Variants in GATA3 observed in about 807,000 individuals in gnomAD.
GATA3 encodes the protein trans-acting T-cell-specific transcription factor GATA-3.
Under a neutral mutation model 36.0 loss-of-function variants are expected in GATA3, and 6 were observed. The ratio of observed to expected loss-of-function variants is 0.17; its 90% CI spans 0.09 to 0.33. The LOEUF is 0.33. Among genes scored for constraint, GATA3 ranks in the 10% least tolerant of loss-of-function variants. The pLI is 1.00. For missense variants in GATA3, 514 were observed against 610.1 expected (o/e 0.84, Z 1.66); for synonymous variants, 326 against 273.0 (o/e 1.19, Z -1.92).
upstream of GATA3, chr10:8,053,665 G>A (rs1461696127): frequency 6.6e-6 from 1 of 152,316 alleles, no homozygotes; most frequent in East Asian, 1.9e-4. The surrounding 1 kb of genome is among the most constrained non-coding windows in gnomAD (Gnocchi z 5.1). Flanking sequence ...GCGTGGCCTG[G>A]AGACCCGCGA....
upstream of GATA3, chr10:8,051,115 CCACTTCCACT>C: frequency 1.9e-6 from 1 of 529,466 alleles, no homozygotes; most frequent in Non-Finnish European, 3.9e-6. Flanking sequence ...CTGGGTTTCC[CCACTTCCACT>C]GGGACAGGGT....
intron 3 of GATA3, among the ~76,000 whole-genome samples, chr10:8,059,187 C>T (rs1400535200): frequency 6.6e-6 from 1 of 152,122 alleles, no homozygotes; most frequent in Admixed American, 6.5e-5. Context: ...AATGGAAGGC[C>T]GAGGGAATAA....
In GATA3 at chr10:8,074,049, C is replaced by G. The variant is rs200946839; in HGVS notation, c.*26C>G. 7.1e-4 allele frequency: 1,152 copies of G among 1,612,618 alleles called. 2 individuals carry two copies. The highest frequency in any genetic ancestry group is 6.1e-4 in the Non-Finnish European group (715 of 1,179,218). On this transcript the variant is annotated 3_prime_UTR_variant, in exon 6 of 6. Transcript: ENST00000379328. Reference sequence around the variant, plus strand: ...AGCCCTGCTCGATGCTCACAGGGCCCCCAGCGAGAGTCCCTGCAGTCCCTT... The same window carrying G: ...AGCCCTGCTCGATGCTCACAGGGCCGCCAGCGAGAGTCCCTGCAGTCCCTT...
At chr10:8,056,106 CG>C (rs1832632412) in intron 2 of GATA3, among the ~76,000 whole-genome samples, 1 of 152,164 alleles carries the variant, frequency 6.6e-6, no homozygotes, top group African/African-American at 2.4e-5. Flanking sequence ...TCGCAGCAGG[CG>C]CCTCTCCCGG....
upstream of GATA3, among the ~76,000 whole-genome samples, chr10:8,054,348 C>T (rs1426328725): frequency 6.6e-6 from 1 of 152,206 alleles, no homozygotes. This position sits in a 1 kb window ranked among gnomAD's most constrained non-coding sequence, Gnocchi z 4.2. Flanking sequence ...GGGACGGAAT[C>T]GTCCACCCGA....
At chr10:8,050,687 A>ACTCGGCGGCTCGG (rs1429802354), upstream of GATA3, 19 of 229,444 alleles carry the variant, frequency 8.3e-5, no homozygotes, top group South Asian at 8.4e-4. Flanking sequence ...GGGGGGAGGG[A>ACTCGGCGGCTCGG]CTCGGCGGCT....
intron 1 of GATA3, among the ~76,000 whole-genome samples, chr10:8,046,096 T>A (rs1832383359): frequency 6.6e-6 from 1 of 151,552 alleles, no homozygotes; most frequent in Admixed American, 6.6e-5. Context: ...CTGAGGTGGG[T>A]GAGAAAACCG....
chr10:8,050,132 C>G (rs1832446433), upstream of GATA3, among the ~76,000 whole-genome samples: 1 of 152,242 alleles, frequency 6.6e-6, no homozygotes, highest in African/African-American at 2.4e-5. Context: ...CGGCGCCTCC[C>G]CAAGCGGACC....
chr10:8,050,825 C>G (rs780581318), upstream of GATA3: 3 of 383,608 alleles, frequency 7.8e-6, no homozygotes, highest in African/African-American at 6.7e-5. Flanking sequence ...CCCGGGCGGC[C>G]CGAGGCACGC....
upstream of GATA3, among the ~76,000 whole-genome samples, chr10:8,049,223 G>C (rs1463942902): frequency 6.6e-6 from 1 of 151,298 alleles, no homozygotes; most frequent in African/African-American, 2.4e-5. Flanking sequence ...CCTGGCCCGG[G>C]GCGCGTGGGC....
upstream of GATA3, among the ~76,000 whole-genome samples, chr10:8,052,069 AT>A (rs1466914196): frequency 6.6e-6 from 1 of 152,124 alleles, no homozygotes; most frequent in African/African-American, 2.4e-5. Flanking sequence ...GGCGCGGGCC[AT>A]CAAAAGAGCA....
intron 3 of GATA3, among the ~76,000 whole-genome samples, chr10:8,059,706 A>T (rs758387151): frequency 1.2e-4 from 18 of 152,242 alleles, no homozygotes; most frequent in Non-Finnish European, 2.4e-4. Context: ...AGTTGGTGTC[A>T]TTACTTGCAT....
upstream of GATA3, chr10:8,052,751 G>A (rs1832529332): frequency 6.6e-6 from 1 of 152,180 alleles, no homozygotes; most frequent in Non-Finnish European, 1.5e-5. Flanking sequence ...TAATTAAAAG[G>A]TTTAGAGAGC....
Position 8,055,376 on chromosome 10 carries a change from T to A in GATA3, c.-280T>A. 1 of 527,404 alleles carries A rather than the reference T, an allele frequency of 1.9e-6. No individual in the cohort carries two copies. Among genetic ancestry groups the A allele is most frequent in the Non-Finnish European group, 3.4e-6 (1 of 294,010 alleles). The allele number at this position is 527,404 out of a possible 1,614,324, so 32.7% of individuals were successfully genotyped here. A position where few individuals can be genotyped will look rare whatever the true frequency, so the allele number is the denominator to read the frequency against. On this transcript the variant is annotated 5_prime_UTR_variant, in exon 2 of 6. Coordinates refer to ENST00000379328, the MANE Select transcript of GATA3 (RefSeq NM_001002295.2). The surrounding 1 kb of genome is among the most constrained non-coding windows in gnomAD (Gnocchi z 5.4). The stretch of plus-strand genomic sequence containing the variant: ...CAGAATTGCAGAGTCGTCGCCCCTT[T>A]TTACAACCTGGTCCCGTTTTATTCT...
upstream of GATA3, chr10:8,052,530 T>C (rs1355814131): frequency 6.6e-6 from 1 of 152,252 alleles, no homozygotes. Context: ...GCAGAACCCA[T>C]GGCAGCTTTT....
rs1380293619 is a variant in GATA3, at chr10:8,058,974, T to A, written c.778+133T>A. The stretch of plus-strand genomic sequence containing the variant: ...CCTGCTGAGATGCCATTCTTCCCAT[T>A]CTTCCTGCCGGGAAGGCACTGCATG... On this transcript the variant is annotated intron_variant, in intron 3 of 5. Coordinates refer to ENST00000379328, the MANE Select transcript of GATA3 (RefSeq NM_001002295.2). 3.7e-6 allele frequency: 3 copies of A among 814,836 alleles called. No individual in the cohort carries two copies. The African/African-American group carries it at 5.2e-5, about 14-fold the overall frequency. 50.5% of individuals were successfully genotyped at this position (814,836 alleles called of 1,614,324 possible). A position where few individuals can be genotyped will look rare whatever the true frequency, so the allele number is the denominator to read the frequency against.
intron 2 of GATA3, among the ~76,000 whole-genome samples, chr10:8,057,302 G>A (rs923523310): frequency 2.0e-5 from 3 of 152,226 alleles, no homozygotes; most frequent in Non-Finnish European, 4.4e-5. Flanking sequence ...ATCAAGAAGT[G>A]TGTGGATTTG....
chr10:8,047,532 A>G (rs1832407012), intron 1 of GATA3, among the ~76,000 whole-genome samples: 1 of 152,216 alleles, frequency 6.6e-6, no homozygotes, highest in South Asian at 2.1e-4. Flanking sequence ...ATAACCAGAG[A>G]GAGGCTTTGT....
In GATA3 at chr10:8,074,110, C is replaced by G. The variant is rs891165585; in HGVS notation, c.*87C>G. The G allele has an allele frequency of 5.5e-5, 80 of 1,455,258 alleles. No individual in the cohort carries two copies. The highest frequency in any genetic ancestry group is 6.0e-5 in the Admixed American group (3 of 50,052). The allele number at this position is 1,455,258 out of a possible 1,614,324, so 90.1% of individuals were successfully genotyped here. A position where few individuals can be genotyped will look rare whatever the true frequency, so the allele number is the denominator to read the frequency against. On this transcript the variant is annotated 3_prime_UTR_variant, in exon 6 of 6. Transcript: ENST00000379328. ...TTTTTGCAGGAGCAGTATCATGAAG[C>G]CTAAACGCGATGGATATATGTTTTT...
Sources: allele counts gnomAD v4.1 joint callset (sites outside exome capture counted in the v4.1 genomes callset), GRCh38; gene constraint gnomAD v4.1.1; non-coding constraint Gnocchi (gnomAD v3.1); transcripts MANE v1.5; gene names NCBI Gene and HGNC (gene_info 2026-07-23, HGNC 2026-07-21).